XYLT1: variants seen among roughly 807,000 people sequenced by gnomAD.
XYLT1 encodes the protein beta-D-xylosyltransferase 1.
In XYLT1, 36 loss-of-function variants were observed where a neutral mutation model predicts 91.3. The ratio of observed to expected loss-of-function variants is 0.39; its 90% CI spans 0.30 to 0.52. The LOEUF (loss-of-function observed/expected upper bound fraction) is 0.52. Ranked by LOEUF, XYLT1 falls within the 20% of genes least tolerant of loss-of-function variation. XYLT1 has a pLI of 0.68. For missense variants in XYLT1, 1,242 were observed against 1,284.5 expected (o/e 0.97, Z 0.51); for synonymous variants, 588 against 532.0 (o/e 1.11, Z -1.45).
At chr16:17,251,931 G>T (rs2141749284) in intron 3 of XYLT1, among the ~76,000 whole-genome samples, 1 of 152,024 alleles carries the variant, frequency 6.6e-6, no homozygotes, top group Admixed American at 6.5e-5. Context: ...GAGTTGTGGG[G>T]ACAGGGAGGG....
chr16:17,317,364 G>A (rs1487541637), intron 2 of XYLT1, among the ~76,000 whole-genome samples: 3 of 151,954 alleles, frequency 2.0e-5, no homozygotes, highest in African/African-American at 7.3e-5. Flanking sequence ...GAGGCACAGT[G>A]GCTCATGCCT....
chr16:17,290,867 G>T (rs531400054), intron 2 of XYLT1, among the ~76,000 whole-genome samples: 1 of 152,076 alleles, frequency 6.6e-6, no homozygotes, highest in Non-Finnish European at 1.5e-5. Flanking sequence ...CAATGTCCTG[G>T]GGTGGATCAA....
intron 2 of XYLT1, among the ~76,000 whole-genome samples, chr16:17,296,745 T>C (rs2141805536): frequency 6.6e-6 from 1 of 152,278 alleles, no homozygotes; most frequent in South Asian, 2.1e-4. Context: ...CTTTTCTCCA[T>C]CAGCTCAGGG....
intron 2 of XYLT1, among the ~76,000 whole-genome samples, chr16:17,307,131 T>C (rs1278214011): frequency 6.6e-6 from 1 of 152,094 alleles, no homozygotes; most frequent in African/African-American, 2.4e-5. Context: ...CAGGCTAGAG[T>C]GCAATGACAT....
chr16:17,223,894 T>G (rs543126329), intron 3 of XYLT1, among the ~76,000 whole-genome samples: 1 of 152,362 alleles, frequency 6.6e-6, no homozygotes, highest in East Asian at 1.9e-4. Context: ...AAGAGTTATC[T>G]GATTAGACAG....
rs192099277 is a variant in XYLT1 at position 17,110,386 on chromosome 16, T to C, written c.2558-1369A>G. ...GAAGTAATTGAATCATGATGAGTTTTTGCCATGTTGTTCTTGTGATAGTGA... is the reference window on the plus strand; with the variant it reads ...GAAGTAATTGAATCATGATGAGTTTCTGCCATGTTGTTCTTGTGATAGTGA... On this transcript the variant is annotated intron_variant, in intron 11 of 11. Transcript: ENST00000261381. 7.2e-4 allele frequency among the ~76,000 whole-genome samples: 110 copies of C among 152,280 alleles called. 1 individual carries two copies. The highest frequency in any genetic ancestry group is 5.0e-3 in the South Asian group (24 of 4,810).
chr16:17,324,119 G>A (rs1420787320), intron 2 of XYLT1, among the ~76,000 whole-genome samples: 1 of 152,112 alleles, frequency 6.6e-6, no homozygotes, highest in Non-Finnish European at 1.5e-5. Context: ...AACAAGCATG[G>A]TCATGGGGAT....
chr16:17,447,818 T>C (rs1010951985), intron 1 of XYLT1, among the ~76,000 whole-genome samples: 10 of 152,324 alleles, frequency 6.6e-5, no homozygotes, highest in East Asian at 5.8e-4. Flanking sequence ...AATGGGAGAA[T>C]ATGAGTACTA....
intron 6 of XYLT1, among the ~76,000 whole-genome samples, chr16:17,147,445 G>C (rs778208325): frequency 6.6e-6 from 1 of 152,090 alleles, no homozygotes; most frequent in South Asian, 2.1e-4. Context: ...TAATAGCATC[G>C]TCTTGCAATT....
chr16:17,250,238 C>T (rs1567341616), intron 3 of XYLT1: 1 of 152,312 alleles, frequency 6.6e-6, no homozygotes, highest in Non-Finnish European at 1.5e-5. Context: ...ACTCCAGGTC[C>T]TAGAACAAGG....
intron 11 of XYLT1, among the ~76,000 whole-genome samples, chr16:17,110,547 T>C (rs1329155120): frequency 6.6e-6 from 1 of 152,120 alleles, no homozygotes. Context: ...TCCCTGACCA[T>C]TGAAACTGTG....
chr16:17,204,823 A>G (rs965666741), intron 3 of XYLT1, among the ~76,000 whole-genome samples: 1 of 152,190 alleles, frequency 6.6e-6, no homozygotes, highest in Non-Finnish European at 1.5e-5. Flanking sequence ...CCTCATTTCA[A>G]AAAGAGGAAA....
chr16:17,228,099 T>TA (rs2033098544), intron 3 of XYLT1: 1 of 152,172 alleles, frequency 6.6e-6, no homozygotes, highest in African/African-American at 2.4e-5. Flanking sequence ...TGATGAGGAA[T>TA]AGAGTCATTG....
chr16:17,133,630 T>C (rs2030586553), intron 9 of XYLT1, among the ~76,000 whole-genome samples: 1 of 152,216 alleles, frequency 6.6e-6, no homozygotes, highest in South Asian at 2.1e-4. Context: ...GGATACCCAA[T>C]TCTTGTTGCA....
chr16:17,143,342 T>A (rs546070765), intron 6 of XYLT1, among the ~76,000 whole-genome samples: 58 of 152,194 alleles, frequency 3.8e-4, no homozygotes, highest in African/African-American at 1.3e-3. Context: ...CCAGGTACTG[T>A]GCTGGCCCAT....
chr16:17,135,497 G>A (rs1480537893), intron 8 of XYLT1, among the ~76,000 whole-genome samples: 2 of 151,082 alleles, frequency 1.3e-5, no homozygotes, highest in Middle Eastern at 3.2e-3. Context: ...TCCAGCCTGG[G>A]TGACAGAACA....
chr16:17,386,238 G>A (rs2141888090), intron 1 of XYLT1, among the ~76,000 whole-genome samples: 1 of 152,276 alleles, frequency 6.6e-6, no homozygotes, highest in South Asian at 2.1e-4. Flanking sequence ...TTTAAATGAA[G>A]ATGTTGGGCC....
At chr16:17,239,941 A>G (rs1889029933) in intron 3 of XYLT1, among the ~76,000 whole-genome samples, 1 of 152,196 alleles carries the variant, frequency 6.6e-6, no homozygotes, top group Non-Finnish European at 1.5e-5. Flanking sequence ...CCCTCCATTT[A>G]TCCATCCAGT....
At chr16:17,166,515 CTT>C (rs369535545) in intron 5 of XYLT1, among the ~76,000 whole-genome samples, 16 of 144,314 alleles carry the variant, frequency 1.1e-4, no homozygotes, top group Admixed American at 1.4e-4. Context: ...CCATCATTCA[CTT>C]TTTTTTTTTT....
Sources: gnomAD v4.1 joint callset for allele counts (sites outside exome capture counted in the v4.1 genomes callset) on GRCh38, gnomAD v4.1.1 for gene constraint, MANE v1.5 for transcripts, NCBI Gene and HGNC (gene_info 2026-07-23, HGNC 2026-07-21) for gene names.